TOP1: variants seen among roughly 807,000 people sequenced by gnomAD.
TOP1 encodes DNA topoisomerase I.
A neutral mutation model predicts 111.1 loss-of-function variants in TOP1; 10 were observed. The ratio of observed to expected loss-of-function variants is 0.09; its 90% confidence interval spans 0.06 to 0.15. The LOEUF (loss-of-function observed/expected upper bound fraction) is 0.15. TOP1 is among the 10% of genes least tolerant of loss of function. TOP1 has a pLI of 1.00. For synonymous variants in TOP1, 271 were observed against 302.9 expected (o/e 0.89, Z 1.10); for missense variants, 474 against 926.7 (o/e 0.51, Z 6.34).
Position 41,116,182 on chromosome 20 carries a change from A to C in TOP1, c.1708-96A>C, listed in dbSNP as rs2034327161. 3 of 744,428 alleles carry C rather than the reference A, an allele frequency of 4.0e-6. No individual in the cohort carries two copies. The highest frequency in any genetic ancestry group is 2.3e-6 in the Non-Finnish European group (1 of 435,676). The allele number at this position is 744,428 out of a possible 1,614,324, so 46.1% of individuals were successfully genotyped here. A position where few individuals can be genotyped will look rare whatever the true frequency, so the allele number is the denominator to read the frequency against. ...CCACTTGTAGGGCAATAAACTTGAC[A>C]AGATTGTGACTGCACTGGCATAAAT... On this transcript the variant is annotated intron_variant, in intron 16 of 20. Transcript: ENST00000361337. This position sits in a 1 kb window ranked among gnomAD's most constrained non-coding sequence, Gnocchi z 5.6.
At chr20:41,103,494 A>G (rs1337221356) in intron 13 of TOP1, among the ~76,000 whole-genome samples, 1 of 152,226 alleles carries the variant, frequency 6.6e-6, no homozygotes, top group East Asian at 1.9e-4. Context: ...ATTTACAGGC[A>G]TTATATGTAA....
At chr20:41,086,346 CAGTG>C (rs967573552) in intron 8 of TOP1, among the ~76,000 whole-genome samples, 7 of 151,752 alleles carry the variant, frequency 4.6e-5, no homozygotes, top group Non-Finnish European at 2.9e-5. Context: ...AATACATTTT[CAGTG>C]ATCTTGACCT....
chr20:41,090,767 A>C (rs1232513890), intron 8 of TOP1, among the ~76,000 whole-genome samples: 3 of 152,210 alleles, frequency 2.0e-5, no homozygotes, highest in African/African-American at 7.2e-5. Flanking sequence ...CAGCCTCCCA[A>C]AGTGCGGAGA....
At chr20:41,056,023 C>T (rs973523456) in intron 2 of TOP1, among the ~76,000 whole-genome samples, 1 of 152,214 alleles carries the variant, frequency 6.6e-6, no homozygotes, top group Non-Finnish European at 1.5e-5. Flanking sequence ...GTGTCTGTCA[C>T]TCAGCTTCAG....
At chr20:41,041,909 T>TGATG (rs547289483) in intron 2 of TOP1, among the ~76,000 whole-genome samples, 54 of 141,412 alleles carry the variant, frequency 3.8e-4, no homozygotes, top group South Asian at 1.2e-3. Flanking sequence ...TGATGATGAT[T>TGATG]ATTATTATTA....
rs935967472 is a variant in TOP1, at chr20:41,095,764, A to T, written c.731-1456A>T. ...AGAATGTGGGCAGCCTTGGTGAATT[A>T]TTAATACCTGTGTAATAGTAAGGTG... is the stretch of plus-strand genomic sequence containing the variant. On this transcript the variant is annotated intron_variant, in intron 9 of 20. Coordinates refer to ENST00000361337, the MANE Select transcript of TOP1 (RefSeq NM_003286.4). The surrounding 1 kb of genome is among the most constrained non-coding windows in gnomAD (Gnocchi z 4.6). Among the ~76,000 whole-genome samples the T allele has an allele frequency of 1.3e-5, 2 of 152,244 alleles. No individual in the cohort carries two copies. The highest frequency in any genetic ancestry group is 4.8e-5 in the African/African-American group (2 of 41,458).
intron 8 of TOP1, among the ~76,000 whole-genome samples, chr20:41,090,121 G>C (rs2033902235): frequency 6.6e-6 from 1 of 151,928 alleles, no homozygotes; most frequent in Non-Finnish European, 1.5e-5. Context: ...TTACAGGCGT[G>C]CACCACCACG....
In TOP1 at chr20:41,084,549, G is replaced by C. The variant is rs763556211; in HGVS notation, c.595G>C (p.Glu199Gln). The C allele has an allele frequency of 1.3e-6, 2 of 1,569,870 alleles. No individual in the cohort carries two copies. Among genetic ancestry groups the C allele is most frequent in the African/African-American group, 2.7e-5 (2 of 73,188 alleles). The change falls in exon 8 of 21, where the codon GAG becomes CAG. Residue 199 changes from glutamate to glutamine, a missense_variant. Glu to Gln is a conservative substitution (Grantham distance 29, BLOSUM62 2). Around this residue, in one of 14 missense-constraint regions of TOP1, gnomAD observed 11 missense variants for 36.8 expected, o/e 0.30. Coordinates refer to ENST00000361337, the MANE Select transcript of TOP1 (RefSeq NM_003286.4). ...DNKKKKPKKE[E>Q]EQKWKWWEEE... ...CAAGAAAAAGAAGCCGAAGAAAGAA[G>C]AGGAACAGAAGTGGAAATGGTAACA...
rs2033099927 is a variant in TOP1, at chr20:41,030,129, AC to A, written c.58+675del. Among the ~76,000 whole-genome samples the A allele has an allele frequency of 6.6e-6, 1 of 151,922 alleles. No individual in the cohort carries two copies. The highest frequency in any genetic ancestry group is 1.5e-5 in the Non-Finnish European group (1 of 67,956). ...ATTTCCAGGTTGTTTTTCCCAAGTT[AC>A]GTTCTTTGCAAAGGTAGCAGTACCT... On this transcript the variant is annotated intron_variant, in intron 2 of 20. Coordinates refer to ENST00000361337, the MANE Select transcript of TOP1 (RefSeq NM_003286.4). This position sits in a 1 kb window ranked among gnomAD's most constrained non-coding sequence, Gnocchi z 4.1.
At chr20:41,035,448 C>G (rs2033173100) in intron 2 of TOP1, among the ~76,000 whole-genome samples, 1 of 152,150 alleles carries the variant, frequency 6.6e-6, no homozygotes, top group South Asian at 2.1e-4. Context: ...TCCTAAGAAA[C>G]ACCTAGGTAA....
At position 41,095,597 on chromosome 20, in the gene TOP1, G is replaced by C. The variant is rs2033971870; in HGVS notation, c.731-1623G>C. On this transcript the variant is annotated intron_variant, in intron 9 of 20. Coordinates refer to ENST00000361337, the MANE Select transcript of TOP1 (RefSeq NM_003286.4). This position sits in a 1 kb window ranked among gnomAD's most constrained non-coding sequence, Gnocchi z 4.6. ...TTTTAAGTTAATGGCGTCCAAAGTG[G>C]GTTCTTTCTATTATAACTGTTTCAA... Among the ~76,000 whole-genome samples the C allele has an allele frequency of 6.6e-6, 1 of 152,058 alleles. No homozygotes were observed. The highest frequency in any genetic ancestry group is 6.6e-5 in the Admixed American group (1 of 15,260).
intron 14 of TOP1, among the ~76,000 whole-genome samples, chr20:41,113,376 TTTAA>T (rs1051401989): frequency 6.6e-6 from 1 of 151,350 alleles, no homozygotes; most frequent in African/African-American, 2.5e-5. Flanking sequence ...TGCTGCCTTA[TTTAA>T]TTTTTTTTTT....
intron 8 of TOP1, among the ~76,000 whole-genome samples, chr20:41,091,472 T>C (rs760167873): frequency 8.6e-5 from 13 of 152,042 alleles, no homozygotes; most frequent in Non-Finnish European, 1.3e-4. Context: ...CTTGCTGAAA[T>C]ATTTAGTGGT....
chr20:41,119,386 G>A (rs2034385797), intron 18 of TOP1, among the ~76,000 whole-genome samples: 1 of 152,132 alleles, frequency 6.6e-6, no homozygotes, highest in South Asian at 2.1e-4. Flanking sequence ...AGGTTGAGGT[G>A]GGAGAATCAC....
rs1555803677 is a variant in TOP1, at chr20:41,059,459, A to AGGT, written c.59-1924_59-1922dup. ...AAATAAATAAATAAATAAATAAATAAGGTGGTGGTGGTGATATGCCCTTGT... is the reference window on the plus strand; with the variant it reads ...AAATAAATAAATAAATAAATAAATAAGGTGGTGGTGGTGGTGATATGCCCTTGT... On this transcript the variant is annotated intron_variant, in intron 2 of 20. Transcript: ENST00000361337. 1.7e-4 allele frequency among the ~76,000 whole-genome samples: 25 copies of AGGT among 150,606 alleles called. 1 individual carries two copies. The highest frequency in any genetic ancestry group is 1.5e-5 in the Non-Finnish European group (1 of 67,748).
At chr20:41,043,808 G>A (rs959162188) in intron 2 of TOP1, among the ~76,000 whole-genome samples, 1 of 152,212 alleles carries the variant, frequency 6.6e-6, no homozygotes, top group Non-Finnish European at 1.5e-5. Context: ...TGGAAGCAAA[G>A]GAGGACAAGC....
intron 3 of TOP1, chr20:41,072,690 T>G (rs2033681959): frequency 1.0e-6 from 1 of 985,322 alleles, no homozygotes; most frequent in South Asian, 4.7e-5. Flanking sequence ...CCAGGCACTC[T>G]GCTCTCCATT....
intron 3 of TOP1, among the ~76,000 whole-genome samples, chr20:41,063,302 G>C (rs1220912614): frequency 6.6e-6 from 1 of 152,098 alleles, no homozygotes; most frequent in Non-Finnish European, 1.5e-5. Context: ...AGTATTCCGT[G>C]GTAGATATGT....
At chr20:41,087,531 A>G (rs932772125) in intron 8 of TOP1, among the ~76,000 whole-genome samples, 2 of 152,206 alleles carry the variant, frequency 1.3e-5, no homozygotes, top group African/African-American at 4.8e-5. Context: ...TCAGGACTAT[A>G]ATGTTTTAAG....
Sources: allele counts gnomAD v4.1 joint callset (sites outside exome capture counted in the v4.1 genomes callset), GRCh38; gene constraint gnomAD v4.1.1; regional missense constraint gnomAD v4.1.1; non-coding constraint Gnocchi (gnomAD v3.1); transcripts MANE v1.5; gene names NCBI Gene and HGNC (gene_info 2026-07-23, HGNC 2026-07-21).